The following GALNT10 variants were observed in gnomAD, a reference collection of about 807,000 sequenced individuals.
GALNT10 encodes the protein polypeptide N-acetylgalactosaminyltransferase 10.
GALNT10 carries 41 observed loss-of-function variants against 75.0 expected under a neutral mutation model. The observed-to-expected ratio is 0.55, with a 90% CI of 0.43 to 0.71. The LOEUF (loss-of-function observed/expected upper bound fraction) is 0.71, where lower values mean the gene tolerates loss of function less well. Ranked by LOEUF, GALNT10 falls within the 30% of genes least tolerant of loss-of-function variation. GALNT10 has a pLI of 0.00. For synonymous variants in GALNT10, 302 were observed against 313.0 expected (o/e 0.96, Z 0.37); for missense variants, 727 against 818.5 (o/e 0.89, Z 1.36).
intron 7 of GALNT10, among the ~76,000 whole-genome samples, chr5:154,391,076 A>T (rs1389016146): frequency 6.6e-6 from 1 of 152,214 alleles, no homozygotes; most frequent in Non-Finnish European, 1.5e-5. Flanking sequence ...TTCTGGAGCC[A>T]GCAACAGCCC....
intron 4 of GALNT10, among the ~76,000 whole-genome samples, chr5:154,348,631 C>T (rs1442628236): frequency 6.6e-6 from 1 of 152,136 alleles, no homozygotes; most frequent in Non-Finnish European, 1.5e-5. Context: ...AGCTTTGGTT[C>T]CAGCCCTACC....
At chr5:154,281,965 C>T (rs557167326) in intron 1 of GALNT10, among the ~76,000 whole-genome samples, 6 of 152,284 alleles carry the variant, frequency 3.9e-5, no homozygotes, top group African/African-American at 1.4e-4. Flanking sequence ...CTGGTAAGTT[C>T]CATGAGGCTG....
chr5:154,398,209 G>A (rs944103902), intron 7 of GALNT10, among the ~76,000 whole-genome samples: 5 of 152,240 alleles, frequency 3.3e-5, no homozygotes, highest in African/African-American at 7.2e-5. Context: ...GAACTCCTGC[G>A]GTGGAGCAGC....
chr5:154,314,371 C>T lies in GALNT10; in HGVS notation c.402-15201C>T, dbSNP rs116079551. ...CTTCCTAGAATTCTTACCCTTGGAC[C>T]AAGGGCCACTGTTTGAGATGTGGAT... is the stretch of plus-strand genomic sequence containing the variant. On this transcript the variant is annotated intron_variant, in intron 3 of 11. Transcript: ENST00000297107. Among the ~76,000 whole-genome samples the T allele has an allele frequency of 5.1e-3, 784 of 152,250 alleles. 6 individuals are homozygous for T. The highest frequency in any genetic ancestry group is 0.018 in the African/African-American group (758 of 41,536).
intron 1 of GALNT10, among the ~76,000 whole-genome samples, chr5:154,283,037 A>G (rs1012600259): frequency 1.3e-5 from 2 of 152,162 alleles, no homozygotes. Context: ...CTGTGGGAGC[A>G]TCTGCATTCA....
In GALNT10 at chr5:154,409,457, C is replaced by T. The variant is rs760772122; in HGVS notation, c.1165-84C>T. 1 of 887,964 alleles carries T rather than the reference C, an allele frequency of 1.1e-6. No individual in the cohort carries two copies. Among genetic ancestry groups the T allele is most frequent in the Non-Finnish European group, 1.9e-6 (1 of 517,568 alleles). 55.0% of individuals were successfully genotyped at this position (887,964 alleles called of 1,614,324 possible). On this transcript the variant is annotated intron_variant, in intron 8 of 11. Coordinates refer to ENST00000297107, the MANE Select transcript of GALNT10 (RefSeq NM_198321.4). This position sits in a 1 kb window ranked among gnomAD's most constrained non-coding sequence, Gnocchi z 4.5. ...AACATAAAATAAGAAGGGTTGACCT[C>T]GACCTGCCAGGACCCTTTTCACCCC...
intron 3 of GALNT10, among the ~76,000 whole-genome samples, chr5:154,299,982 G>T (rs1369504883): frequency 2.6e-5 from 4 of 152,090 alleles, no homozygotes; most frequent in Non-Finnish European, 5.9e-5. Flanking sequence ...CCACAAGTGT[G>T]TGCCACCACT....
rs1306529461 is a variant in GALNT10 at position 154,416,789 on chromosome 5, G to A, written c.1654-25G>A. Reference sequence around the variant, plus strand: ...TGGCCACATGTCTCCAGTGCTGTCTGGCTTATTACCTCCATGTTTTGTAGG... The same window carrying A: ...TGGCCACATGTCTCCAGTGCTGTCTAGCTTATTACCTCCATGTTTTGTAGG... On this transcript the variant is annotated intron_variant, in intron 11 of 11. Transcript: ENST00000297107. The surrounding 1 kb of genome is among the most constrained non-coding windows in gnomAD (Gnocchi z 4.5). The A allele has an allele frequency of 6.3e-7, 1 of 1,592,254 alleles. No individual in the cohort carries two copies. The highest frequency in any genetic ancestry group is 8.6e-7 in the Non-Finnish European group (1 of 1,160,504).
At chr5:154,213,047 A>AG (rs1273015755) in intron 1 of GALNT10, among the ~76,000 whole-genome samples, 2 of 151,840 alleles carry the variant, frequency 1.3e-5, no homozygotes, top group African/African-American at 4.8e-5. Context: ...TAGAGCTTTG[A>AG]GCAGGTGACT....
rs922725172 is a variant in GALNT10, at chr5:154,412,535, C to T, written c.1387-354C>T. 3.6e-6 allele frequency: 1 copy of T among 279,188 alleles called. No individual in the cohort carries two copies. The highest frequency in any genetic ancestry group is 5.0e-5 in the Admixed American group (1 of 19,806). The allele number at this position is 279,188 out of a possible 1,614,324, so 17.3% of individuals were successfully genotyped here. On this transcript the variant is annotated intron_variant, in intron 9 of 11. Transcript: ENST00000297107. The surrounding 1 kb of genome is among the most constrained non-coding windows in gnomAD (Gnocchi z 4.2). ...CCCTGGACCACCTGCACCTGAGTCA[C>T]CTGGAATGGGGGTAAAATCTGGTTC...
chr5:154,228,418 A>G (rs1199665264), intron 1 of GALNT10, among the ~76,000 whole-genome samples: 1 of 152,160 alleles, frequency 6.6e-6, no homozygotes, highest in East Asian at 1.9e-4. Flanking sequence ...TTTCTTGGAA[A>G]CTTCTCTGGG....
At chr5:154,211,573 T>C (rs1775198372) in intron 1 of GALNT10, among the ~76,000 whole-genome samples, 1 of 152,188 alleles carries the variant, frequency 6.6e-6, no homozygotes, top group South Asian at 2.1e-4. Context: ...TAACAAAATG[T>C]GGTAGCGTAA....
intron 7 of GALNT10, among the ~76,000 whole-genome samples, chr5:154,400,429 G>A (rs1756137969): frequency 6.6e-6 from 1 of 152,118 alleles, no homozygotes; most frequent in Non-Finnish European, 1.5e-5. Flanking sequence ...ACCAGCATGT[G>A]TGGCGACCAT....
intron 6 of GALNT10, among the ~76,000 whole-genome samples, chr5:154,381,002 C>T (rs1233406610): frequency 6.6e-6 from 1 of 152,142 alleles, no homozygotes; most frequent in Non-Finnish European, 1.5e-5. Flanking sequence ...CAATTTAACC[C>T]CCTACAACTA....
rs778442272 is a variant in GALNT10 at position 154,409,696 on chromosome 5, G to A, written c.1320G>A (p.Thr440=). 8 of 1,614,030 alleles carry A rather than the reference G, an allele frequency of 5.0e-6. No homozygotes were observed. Among genetic ancestry groups the A allele is most frequent in the African/African-American group, 2.7e-5 (2 of 74,910 alleles). ...GCAAGAGTTTCAAGTGGTTTATGAC[G>A]AAGATAGCCTGGGACCTGCCCAAAT... ...LNCKSFKWFM[T]KIAWDLPKFY... is the part of the protein sequence containing the mutation. Residue 440 remains threonine (T), a synonymous_variant, in exon 9 of 12, where the codon ACG becomes ACA. Transcript: ENST00000297107. This position sits in a 1 kb window ranked among gnomAD's most constrained non-coding sequence, Gnocchi z 4.5.
chr5:154,353,641 G>A (rs1273311358), intron 4 of GALNT10, among the ~76,000 whole-genome samples: 1 of 152,242 alleles, frequency 6.6e-6, no homozygotes, highest in Non-Finnish European at 1.5e-5. Context: ...AGAAGACATG[G>A]GCCCTGCCCT....
intron 1 of GALNT10, among the ~76,000 whole-genome samples, chr5:154,230,489 G>T (rs1007565153): frequency 1.3e-5 from 2 of 152,182 alleles, no homozygotes; most frequent in African/African-American, 4.8e-5. Context: ...ACTGCCCCTT[G>T]GTATGCAGCA....
intron 7 of GALNT10, chr5:154,392,910 A>G (rs952647808): frequency 1.3e-5 from 2 of 152,040 alleles, no homozygotes; most frequent in Non-Finnish European, 2.9e-5. Flanking sequence ...TATAAGAGAG[A>G]CAGTGATGAG....
intron 4 of GALNT10, among the ~76,000 whole-genome samples, chr5:154,363,786 T>C (rs1217382084): frequency 6.6e-6 from 1 of 152,196 alleles, no homozygotes; most frequent in Non-Finnish European, 1.5e-5. Context: ...CTACCTCCTA[T>C]GTTTGGAGAC....
Sources: gnomAD v4.1 joint callset for allele counts (sites outside exome capture counted in the v4.1 genomes callset) on GRCh38, gnomAD v4.1.1 for gene constraint, Gnocchi (gnomAD v3.1) non-coding constraint, MANE v1.5 for transcripts, NCBI Gene and HGNC (gene_info 2026-07-23, HGNC 2026-07-21) for gene names.